Variants in MEMO1 observed in about 807,000 individuals in gnomAD.
MEMO1 encodes the protein mediator of cell motility 1.
Under a neutral mutation model 45.2 loss-of-function variants are expected in MEMO1, and 6 were observed. The observed-to-expected ratio is 0.13, with a 90% CI of 0.07 to 0.26. The LOEUF (loss-of-function observed/expected upper bound fraction) is 0.26, where lower values mean the gene tolerates loss of function less well. Ranked by LOEUF, MEMO1 falls within the 10% of genes least tolerant of loss-of-function variation. The pLI, the probability that MEMO1 is intolerant of heterozygous loss-of-function variation, is 1.00. For missense variants in MEMO1, 184 were observed against 370.5 expected (o/e 0.50, Z 4.13); for synonymous variants, 78 against 124.3 (o/e 0.63, Z 2.48).
intron 4 of MEMO1, among the ~76,000 whole-genome samples, chr2:31,924,106 C>G (rs952328749): frequency 1.3e-5 from 2 of 152,004 alleles, no homozygotes; most frequent in Non-Finnish European, 2.9e-5. Flanking sequence ...CAATATAAAA[C>G]CCTTAAAAGC....
chr2:31,990,455 G>A (rs1043420518), intron 2 of MEMO1, among the ~76,000 whole-genome samples: 1 of 151,230 alleles, frequency 6.6e-6, no homozygotes, highest in South Asian at 2.1e-4. Flanking sequence ...GGTGTTTTTG[G>A]TTTTTTCTTT....
chr2:31,965,685 T>G (rs554451683), intron 2 of MEMO1, among the ~76,000 whole-genome samples: 2 of 152,092 alleles, frequency 1.3e-5, no homozygotes, highest in Non-Finnish European at 2.9e-5. Context: ...ATGGATGAAG[T>G]TGGAAGCCAT....
chr2:31,925,160 T>TA (rs1397791062), intron 4 of MEMO1, among the ~76,000 whole-genome samples: 2 of 152,112 alleles, frequency 1.3e-5, no homozygotes, highest in Admixed American at 1.3e-4. Context: ...TTGTTCCCCA[T>TA]TGCTTGGCTA....
chr2:31,873,531 T>G (rs1227401615), intron 8 of MEMO1, among the ~76,000 whole-genome samples: 1 of 152,084 alleles, frequency 6.6e-6, no homozygotes, highest in East Asian at 1.9e-4. Context: ...ACAAATTATC[T>G]TCCCTCTTTA....
intron 7 of MEMO1, among the ~76,000 whole-genome samples, chr2:31,885,124 T>C (rs956637196): frequency 2.0e-5 from 3 of 152,094 alleles, no homozygotes; most frequent in East Asian, 1.9e-4. Flanking sequence ...TATTTTTCTT[T>C]TTTTCTTTTT....
chr2:31,928,812 T>C (rs1283261561), intron 4 of MEMO1, among the ~76,000 whole-genome samples: 1 of 152,182 alleles, frequency 6.6e-6, no homozygotes, highest in Non-Finnish European at 1.5e-5. Flanking sequence ...TTCCCAATTT[T>C]ACACAATGTT....
intron 2 of MEMO1, 83 bp downstream of exon 2, chr2:32,010,101 CGCG>C: frequency 1.5e-6 from 1 of 676,930 alleles, no homozygotes; most frequent in Non-Finnish European, 1.8e-6. Flanking sequence ...CCGCCGCCGC[CGCG>C]GGGCCGGGCC....
At chr2:31,883,653 T>C (rs1461546778) in intron 7 of MEMO1, among the ~76,000 whole-genome samples, 191 bp from the exon 8 acceptor site, 2 of 152,094 alleles carry the variant, frequency 1.3e-5, no homozygotes, top group African/African-American at 4.8e-5. Context: ...AGAAATGATA[T>C]CACCAATGTT....
chr2:32,002,186 T>TATATATATATATAC (rs753352927), intron 2 of MEMO1, among the ~76,000 whole-genome samples: 1 of 116,064 alleles, frequency 8.6e-6, no homozygotes, highest in African/African-American at 3.5e-5. Flanking sequence ...TATATATATA[T>TATATATATATATAC]ACACACACAC....
chr2:31,930,392 C>CT (rs1269966891), intron 4 of MEMO1, among the ~76,000 whole-genome samples: 1 of 152,038 alleles, frequency 6.6e-6, no homozygotes, highest in Non-Finnish European at 1.5e-5. Context: ...TTCCTCTTTC[C>CT]TTTTGCCTTC....
chr2:31,882,657 C>T (rs552618658), intron 8 of MEMO1, among the ~76,000 whole-genome samples: 67 of 152,160 alleles, frequency 4.4e-4, no homozygotes, highest in African/African-American at 1.6e-3. Context: ...ATGTATAAAT[C>T]CCTTCAGCAT....
At chr2:31,981,906 T>C (rs1670681627) in intron 2 of MEMO1, among the ~76,000 whole-genome samples, 1 of 152,186 alleles carries the variant, frequency 6.6e-6, no homozygotes, top group Admixed American at 6.5e-5. Flanking sequence ...TGAACTTTAA[T>C]GTATGCAAGT....
intron 6 of MEMO1, among the ~76,000 whole-genome samples, chr2:31,908,976 G>C (rs1680180995): frequency 6.6e-6 from 1 of 152,168 alleles, no homozygotes; most frequent in African/African-American, 2.4e-5. Context: ...TATAGAATGT[G>C]TCTCCTCTCC....
chr2:31,997,842 C>A (rs1039633177), intron 2 of MEMO1, among the ~76,000 whole-genome samples: 2 of 152,156 alleles, frequency 1.3e-5, no homozygotes, highest in Non-Finnish European at 2.9e-5. Flanking sequence ...AAAAAGATTT[C>A]TTTGCCTCTG....
chr2:31,959,287 C>CTGA (rs1203785842), intron 2 of MEMO1, among the ~76,000 whole-genome samples: 1 of 151,980 alleles, frequency 6.6e-6, no homozygotes, highest in Non-Finnish European at 1.5e-5. Flanking sequence ...CGTGGACTGA[C>CTGA]TGATGATGAT....
intron 2 of MEMO1, among the ~76,000 whole-genome samples, chr2:31,953,158 G>A (rs991594175): frequency 2.6e-5 from 4 of 151,982 alleles, no homozygotes; most frequent in Admixed American, 2.0e-4. Flanking sequence ...CATGAGGTCA[G>A]GAGTTCAAGA....
intron 2 of MEMO1, among the ~76,000 whole-genome samples, chr2:32,009,388 T>G (rs1674516805): frequency 6.8e-6 from 1 of 146,540 alleles, no homozygotes; most frequent in African/African-American, 2.5e-5. Flanking sequence ...AGCCCCTAGC[T>G]TAGCAGTACT....
At chr2:31,971,024 CAT>C (rs1669333474) in intron 2 of MEMO1, among the ~76,000 whole-genome samples, 1 of 152,110 alleles carries the variant, frequency 6.6e-6, no homozygotes, top group African/African-American at 2.4e-5. Context: ...AAAGATATTT[CAT>C]ATAATTACCT....
intron 2 of MEMO1, among the ~76,000 whole-genome samples, chr2:31,980,207 G>C (rs998635808): frequency 6.6e-6 from 1 of 152,068 alleles, no homozygotes; most frequent in Non-Finnish European, 1.5e-5. Context: ...TGAGGCAGGC[G>C]GATTGCTTGA....
Sources: allele counts gnomAD v4.1 joint callset (sites outside exome capture counted in the v4.1 genomes callset), GRCh38; gene constraint gnomAD v4.1.1; transcripts MANE v1.5; gene names NCBI Gene and HGNC (gene_info 2026-07-23, HGNC 2026-07-21).